IL1RAPL2: variants seen among roughly 807,000 people sequenced by gnomAD.
The protein encoded by IL1RAPL2 is interleukin 1 receptor accessory protein like 2.
IL1RAPL2 carries 3 observed loss-of-function variants against 44.1 expected under a neutral mutation model. That is an observed-to-expected ratio of 0.07 (90% CI 0.03 to 0.18). The LOEUF (loss-of-function observed/expected upper bound fraction) is 0.18, where lower values mean the gene tolerates loss of function less well. IL1RAPL2 is among the 10% of genes least tolerant of loss of function. The pLI is 1.00. For synonymous variants in IL1RAPL2, 181 were observed against 178.8 expected (o/e 1.01, Z -0.10); for missense variants, 391 against 496.4 (o/e 0.79, Z 2.02).
intron 6 of IL1RAPL2, among the ~76,000 whole-genome samples, chrX:105,529,201 G>A (rs1489348155): frequency 9.0e-6 from 1 of 111,290 alleles, no homozygotes; most frequent in Admixed American, 9.6e-5. Flanking sequence ...GTCTTTTTCA[G>A]TGAGGCACAT....
intron 6 of IL1RAPL2, among the ~76,000 whole-genome samples, chrX:105,518,358 T>C (rs779767166): frequency 9.0e-6 from 1 of 111,158 alleles, no homozygotes; most frequent in South Asian, 3.8e-4. Context: ...GCTATACAAA[T>C]GTAAAATAGT....
At chrX:105,726,526 C>T (rs1487453218) in intron 7 of IL1RAPL2, among the ~76,000 whole-genome samples, 1 of 111,599 alleles carries the variant, frequency 9.0e-6, no homozygotes, top group Non-Finnish European at 1.9e-5. Context: ...GGAGGACAGA[C>T]AGATAAAGCC....
intron 2 of IL1RAPL2, among the ~76,000 whole-genome samples, chrX:104,808,666 A>C (rs1379536434): frequency 1.8e-5 from 2 of 111,876 alleles, no homozygotes; most frequent in Non-Finnish European, 3.8e-5. Flanking sequence ...AGGAGAGGAT[A>C]GATATAAGAA....
chrX:104,573,856 T>C (rs937595292), intron 1 of IL1RAPL2, among the ~76,000 whole-genome samples: 1 of 111,560 alleles, frequency 9.0e-6, no homozygotes, highest in African/African-American at 3.3e-5. Flanking sequence ...ATTCATGCGT[T>C]TGAGGGAAAA....
At chrX:104,738,720 G>C (rs1046622411) in intron 2 of IL1RAPL2, among the ~76,000 whole-genome samples, 1 of 111,554 alleles carries the variant, frequency 9.0e-6, no homozygotes, top group Non-Finnish European at 1.9e-5. Context: ...TGGGAGGATT[G>C]CTTGAGGCCA....
intron 2 of IL1RAPL2, among the ~76,000 whole-genome samples, chrX:104,694,259 T>C (rs926215391): frequency 9.0e-6 from 1 of 111,689 alleles, no homozygotes; most frequent in African/African-American, 3.3e-5. Context: ...GGGAGCAGAA[T>C]TCATACCAGG....
At chrX:105,260,583 A>G (rs55973947) in intron 4 of IL1RAPL2, among the ~76,000 whole-genome samples, 8,833 of 109,780 alleles carry the variant, frequency 0.08, 932 homozygotes, top group African/African-American at 0.28. Context: ...GGAAAGTTAC[A>G]AATCTCTGTT....
intron 5 of IL1RAPL2, among the ~76,000 whole-genome samples, chrX:105,347,845 C>T (rs191650138): frequency 9.9e-5 from 11 of 111,429 alleles, no homozygotes; most frequent in Non-Finnish European, 1.7e-4. Flanking sequence ...ACACCTTTGT[C>T]GTCAAGCTAT....
intron 7 of IL1RAPL2, among the ~76,000 whole-genome samples, chrX:105,719,157 T>G (rs1217273659): frequency 9.0e-6 from 1 of 111,460 alleles, no homozygotes; most frequent in East Asian, 2.8e-4. Context: ...GTCTATCAAC[T>G]AAGGAATGAA....
rs780722936 is a variant in IL1RAPL2, at chrX:104,575,402, A to T, written c.-20+8351A>T. On this transcript the variant is annotated intron_variant, in intron 1 of 10. Coordinates refer to ENST00000372582, the MANE Select transcript of IL1RAPL2 (RefSeq NM_017416.2). ...TGGACTCTTATTTTTTATATTATAAACATATTGTATATATCCTATAAATAT... is the reference window on the plus strand; with the variant it reads ...TGGACTCTTATTTTTTATATTATAATCATATTGTATATATCCTATAAATAT... 3.6e-5 allele frequency among the ~76,000 whole-genome samples: 4 copies of T among 111,820 alleles called. No homozygotes were observed. The Admixed American group carries it at 3.8e-4, about 11-fold the overall frequency.
intron 6 of IL1RAPL2, among the ~76,000 whole-genome samples, chrX:105,609,196 AG>A (rs770638802): frequency 1.1e-3 from 124 of 112,055 alleles, no homozygotes; most frequent in Admixed American, 2.1e-3. Flanking sequence ...AGTTAATTGT[AG>A]GGAGCAAATA....
intron 2 of IL1RAPL2, among the ~76,000 whole-genome samples, chrX:104,849,763 A>G (rs1186795615): frequency 9.0e-6 from 1 of 111,433 alleles, no homozygotes; most frequent in Non-Finnish European, 1.9e-5. Context: ...TTTATTAACA[A>G]ATGTAAAACT....
At chrX:105,351,641 G>T (rs188781046) in intron 5 of IL1RAPL2, among the ~76,000 whole-genome samples, 3,405 of 110,179 alleles carry the variant, frequency 0.031, 79 homozygotes, top group Non-Finnish European at 0.047. Context: ...TGGGTGGGGG[G>T]CTAGGGGAGG....
chrX:104,621,435 G>A (rs1399695691), intron 1 of IL1RAPL2, among the ~76,000 whole-genome samples: 1 of 108,883 alleles, frequency 9.2e-6, no homozygotes, highest in African/African-American at 3.3e-5. Context: ...TGCCATTGCT[G>A]GGTGCTGCAG....
intron 7 of IL1RAPL2, among the ~76,000 whole-genome samples, chrX:105,733,103 A>G (rs1478817836): frequency 5.4e-5 from 6 of 111,444 alleles, no homozygotes; most frequent in Non-Finnish European, 9.4e-5. Context: ...GTCTTTATTT[A>G]TCCATCACTT....
rs1374708907 is a variant in IL1RAPL2 at position 105,017,215 on chromosome X, T to C, written c.83-178260T>C. Reference sequence around the variant, plus strand: ...TTCTTTTCTTCTTTATTAGTCTGTCTAGTGGTCTATCTATTTGTTGATCTT... The same window carrying C: ...TTCTTTTCTTCTTTATTAGTCTGTCCAGTGGTCTATCTATTTGTTGATCTT... On this transcript the variant is annotated intron_variant, in intron 2 of 10. Coordinates refer to ENST00000372582, the MANE Select transcript of IL1RAPL2 (RefSeq NM_017416.2). 2.7e-5 allele frequency among the ~76,000 whole-genome samples: 3 copies of C among 110,784 alleles called. No homozygotes were observed. The East Asian group carries it at 8.7e-4, about 32-fold the overall frequency.
At chrX:104,803,914 A>G (rs759849883) in intron 2 of IL1RAPL2, 1 of 112,241 alleles carries the variant, frequency 8.9e-6, no homozygotes, top group African/African-American at 3.2e-5. Context: ...AGAGTGCCAC[A>G]AAGGCCTCTG....
rs774710093 is a variant in IL1RAPL2 at position 104,663,173 on chromosome X, A to C, written c.82+4178A>C. ...GATATTTTCTGATTGTTGATGAGGA[A>C]ATAACAGCTTGTTTTCACTAAAATA... is the stretch of plus-strand genomic sequence containing the variant. On this transcript the variant is annotated intron_variant, in intron 2 of 10. Transcript: ENST00000372582. 1.7e-3 allele frequency among the ~76,000 whole-genome samples: 188 copies of C among 111,661 alleles called. 2 individuals carry two copies. Among genetic ancestry groups the C allele is most frequent in the Middle Eastern group, 4.6e-3 (1 of 218 alleles).
Position 105,302,140 on chromosome X carries a change from T to G in IL1RAPL2, c.697+34599T>G, listed in dbSNP as rs182465993. ...TGATGTTGAGTACCTCTTCATATGC[T>G]TCTTTGCCATTTGTATGTCTTCTTT... On this transcript the variant is annotated intron_variant, in intron 5 of 10. Transcript: ENST00000372582. Among the ~76,000 whole-genome samples, 857 of 112,326 alleles carry G rather than the reference T, an allele frequency of 7.6e-3. 4 individuals are homozygous for G. The highest frequency in any genetic ancestry group is 0.013 in the Non-Finnish European group (710 of 53,257).
Sources: allele counts gnomAD v4.1 joint callset (sites outside exome capture counted in the v4.1 genomes callset), GRCh38; gene constraint gnomAD v4.1.1; transcripts MANE v1.5; gene names NCBI Gene and HGNC (gene_info 2026-07-23, HGNC 2026-07-21).